Variants in KLRG1 observed in about 807,000 individuals in gnomAD.
KLRG1 encodes killer cell lectin-like receptor subfamily G member 1.
A neutral mutation model predicts 21.8 loss-of-function variants in KLRG1; 16 were observed. The ratio of observed to expected loss-of-function variants is 0.73; its 90% CI spans 0.50 to 1.11. The LOEUF (loss-of-function observed/expected upper bound fraction) is 1.11. Among genes scored for constraint, KLRG1 ranks in the 50% most tolerant of loss-of-function variants. The probability of loss-of-function intolerance (pLI) is 0.00; values close to 1 mark genes in which losing one functional copy is unlikely to be tolerated. For synonymous variants in KLRG1, 69 were observed against 75.9 expected (o/e 0.91, Z 0.47); for missense variants, 173 against 218.3 (o/e 0.79, Z 1.31).
the KLRG1 span, among the ~76,000 whole-genome samples, chr12:9,049,467 A>G: frequency 6.6e-6 from 1 of 152,188 alleles, no homozygotes; most frequent in African/African-American, 2.4e-5. Flanking sequence ...GGGATGTGGT[A>G]TTTCTTGTAG....
the KLRG1 span, among the ~76,000 whole-genome samples, chr12:9,061,597 T>C: frequency 6.6e-6 from 1 of 152,106 alleles, no homozygotes; most frequent in East Asian, 1.9e-4. Flanking sequence ...AAGGATCTCT[T>C]GAGCCCAGGA....
rs768846005 is a variant in KLRG1 at position 8,991,391 on chromosome 12, T to C, written c.83-815T>C. Among the ~76,000 whole-genome samples, 5 of 152,342 alleles carry C rather than the reference T, an allele frequency of 3.3e-5. No homozygotes were observed. In the East Asian group the frequency reaches 7.7e-4, roughly 23 times the overall value. On this transcript the variant is annotated intron_variant, in intron 1 of 4. Coordinates refer to ENST00000356986, the MANE Select transcript of KLRG1 (RefSeq NM_005810.4). ...ATAACGACAGTTTACAAAGCACTTC[T>C]GAAATGTAGATTATTTTTATTTAAA... is the stretch of plus-strand genomic sequence containing the variant.
chr12:8,973,723 C>A (rs951194190), intron 1 of KLRG1, among the ~76,000 whole-genome samples: 1 of 152,142 alleles, frequency 6.6e-6, no homozygotes, highest in South Asian at 2.1e-4. Flanking sequence ...TATTTAATTT[C>A]CTTCATTAAT....
chr12:9,009,850 C>CA lies in KLRG1; in HGVS notation c.*318dup, dbSNP rs1947591642. 1.4e-6 allele frequency: 2 copies of CA among 1,461,598 alleles called. No individual in the cohort carries two copies. The highest frequency in any genetic ancestry group is 5.1e-5 in the East Asian group (2 of 39,564). The allele number at this position is 1,461,598 out of a possible 1,614,324, so 90.5% of individuals were successfully genotyped here. ...TCATCCCCGTCCCAACCATCTCTGTCAAAAATATACCTTTTTCATATGATA... is the reference window on the plus strand; with the variant it reads ...TCATCCCCGTCCCAACCATCTCTGTCAAAAAATATACCTTTTTCATATGATA... On this transcript the variant is annotated 3_prime_UTR_variant, in exon 5 of 5. Coordinates refer to ENST00000356986, the MANE Select transcript of KLRG1 (RefSeq NM_005810.4).
At chr12:8,951,188 A>G (rs147875381) in intron 1 of KLRG1, among the ~76,000 whole-genome samples, 4 of 152,210 alleles carry the variant, frequency 2.6e-5, no homozygotes, top group African/African-American at 7.2e-5. Flanking sequence ...TCAAAAATGT[A>G]TCAGTCCCAC....
chr12:9,093,195 C>T, the KLRG1 span, among the ~76,000 whole-genome samples: 2 of 152,152 alleles, frequency 1.3e-5, no homozygotes, highest in Non-Finnish European at 2.9e-5. Context: ...GTTGATAATA[C>T]TGTATTGGAT....
Position 8,992,214 on chromosome 12 carries a change from T to C in KLRG1, c.91T>C (p.Ser31Pro), listed in dbSNP as rs1179748573. 7 of 1,611,610 alleles carry C rather than the reference T, an allele frequency of 4.3e-6. No individual in the cohort carries two copies. Among genetic ancestry groups the C allele is most frequent in the East Asian group, 4.5e-5 (2 of 44,832 alleles). Residue 31 changes from serine to proline, a missense_variant, in exon 2 of 5, where the codon TCC becomes CCC. Physicochemically the swap from Ser to Pro is moderately conservative, Grantham distance 74. Around this residue, in one of 3 missense-constraint regions of KLRG1, gnomAD observed 144 missense variants for 161.5 expected, o/e 0.89. Coordinates refer to ENST00000356986, the MANE Select transcript of KLRG1 (RefSeq NM_005810.4). ...TGACTCTGTTGTTGCAGCTTCCTCTTCCAGGCCTTCTTGTTCTTGCCTTGT... is the reference window on the plus strand; with the variant it reads ...TGACTCTGTTGTTGCAGCTTCCTCTCCCAGGCCTTCTTGTTCTTGCCTTGT... Reference protein sequence around the residue: ...DYGPQQKSSSSRPSCSCLVAI... With the variant: ...DYGPQQKSSSPRPSCSCLVAI...
chr12:8,976,071 C>T (rs968453348), intron 1 of KLRG1, among the ~76,000 whole-genome samples: 25 of 151,592 alleles, frequency 1.6e-4, no homozygotes, highest in Non-Finnish European at 3.1e-4. Flanking sequence ...ATTGTTTATT[C>T]GAGATTTTCT....
the KLRG1 span, among the ~76,000 whole-genome samples, chr12:9,077,148 T>C: frequency 1.3e-5 from 2 of 152,236 alleles, no homozygotes; most frequent in Non-Finnish European, 2.9e-5. Context: ...TGGTGGTAAA[T>C]AGCCTAGGGG....
At chr12:9,127,853 TGGGCCCCG>T in the KLRG1 span, 1 of 249,260 alleles carries the variant, frequency 4.0e-6, no homozygotes. Context: ...GATCTGCGAC[TGGGCCCCG>T]GGGCCCCGGC....
At chr12:9,203,616 C>T in the KLRG1 span, 9 of 815,194 alleles carry the variant, frequency 1.1e-5, no homozygotes, top group Non-Finnish European at 1.5e-5. Context: ...GCTGGGATTA[C>T]AGGCGTGAGC....
the KLRG1 span, among the ~76,000 whole-genome samples, chr12:9,100,940 T>C: frequency 6.6e-6 from 1 of 152,048 alleles, no homozygotes; most frequent in East Asian, 1.9e-4. Flanking sequence ...GACTGCAAAT[T>C]GGGTACAATG....
At chr12:9,056,461 A>T in the KLRG1 span, among the ~76,000 whole-genome samples, 186 of 152,056 alleles carry the variant, frequency 1.2e-3, no homozygotes, top group Middle Eastern at 3.4e-3. Context: ...TTCTTGCATG[A>T]TATTTCTTAT....
chr12:9,028,098 A>G, the KLRG1 span: 48 of 1,068,634 alleles, frequency 4.5e-5, no homozygotes, highest in Middle Eastern at 3.0e-4. Flanking sequence ...AATCACTTCA[A>G]TTTTTCCAAA....
the KLRG1 span, among the ~76,000 whole-genome samples, chr12:9,024,105 G>T: frequency 5.1e-3 from 632 of 124,684 alleles, 4 homozygotes; most frequent in African/African-American, 0.018. Flanking sequence ...TCAGCTTACT[G>T]CAACCTCCTC....
chr12:8,968,174 A>G (rs566078820), intron 1 of KLRG1, among the ~76,000 whole-genome samples: 1 of 152,268 alleles, frequency 6.6e-6, no homozygotes, highest in South Asian at 2.1e-4. Flanking sequence ...AATGGCCAAA[A>G]TTCTCCAATT....
At chr12:9,099,576 A>T in the KLRG1 span, 2 of 1,553,516 alleles carry the variant, frequency 1.3e-6, no homozygotes, top group Non-Finnish European at 1.7e-6. Flanking sequence ...GACTATTTCC[A>T]TTAGTAGATG....
chr12:9,200,536 A>G, the KLRG1 span: 1 of 1,025,842 alleles, frequency 9.7e-7, no homozygotes. Context: ...ATTTTTCCCA[A>G]AATAACACTC....
At chr12:9,157,725 T>C in the KLRG1 span, 3 of 1,565,558 alleles carry the variant, frequency 1.9e-6, no homozygotes, top group African/African-American at 4.1e-5. Flanking sequence ...ACAGCAAATC[T>C]ACAGTTTTCA....
Sources: allele counts gnomAD v4.1 joint callset (sites outside exome capture counted in the v4.1 genomes callset), GRCh38; gene constraint gnomAD v4.1.1; regional missense constraint gnomAD v4.1.1; transcripts MANE v1.5; gene names NCBI Gene and HGNC (gene_info 2026-07-23, HGNC 2026-07-21).